ASPHD1: variants seen among roughly 807,000 people sequenced by gnomAD.
ASPHD1 encodes the protein aspartate beta-hydroxylase domain-containing protein 1.
Under a neutral mutation model 28.3 loss-of-function variants are expected in ASPHD1, and 20 were observed. The ratio of observed to expected loss-of-function variants is 0.71; its 90% confidence interval spans 0.50 to 1.03. The LOEUF (loss-of-function observed/expected upper bound fraction) is 1.03. ASPHD1 is among the 50% of genes least tolerant of loss of function. ASPHD1 has a pLI of 0.00. For missense variants in ASPHD1, 479 were observed against 524.1 expected (o/e 0.91, Z 0.84); for synonymous variants, 240 against 221.2 (o/e 1.08, Z -0.75).
In ASPHD1 at chr16:29,900,911, GGAA is replaced by G. The variant is rs2068532255; in HGVS notation, c.-55_-53del. 8 of 1,457,062 alleles carry G rather than the reference GGAA, an allele frequency of 5.5e-6. No homozygotes were observed. The highest frequency in any genetic ancestry group is 7.5e-6 in the Non-Finnish European group (8 of 1,066,622). The allele number at this position is 1,457,062 out of a possible 1,614,324, so 90.3% of individuals were successfully genotyped here. A position where few individuals can be genotyped will look rare whatever the true frequency, so the allele number is the denominator to read the frequency against. ...GTGAGGAGGCGACAGAGGGAGAGGA[GGAA>G]GAAGAGGTAGAAGGAGAGAGAAAGG... On this transcript the variant is annotated 5_prime_UTR_variant, in exon 1 of 3. Transcript: ENST00000308748.
At chr16:29,905,754 A>G (rs2150830377) in intron 2 of ASPHD1, 34 bp from the exon 3 acceptor site, 1 of 1,515,148 alleles carries the variant, frequency 6.6e-7, no homozygotes, top group East Asian at 2.3e-5. Flanking sequence ...ACCTAATGTC[A>G]GTGGCTCTGC....
At chr16:29,906,502 C>T (rs1261691208), downstream of ASPHD1, 1 of 473,370 alleles carries the variant, frequency 2.1e-6, no homozygotes. Context: ...CCCTGCAGGA[C>T]GCGGGAGGCT....
downstream of ASPHD1, chr16:29,906,811 G>A: frequency 6.9e-7 from 1 of 1,454,148 alleles, no homozygotes; most frequent in Non-Finnish European, 9.6e-7. Context: ...TCTGGGAAGG[G>A]GAGGGAAAGA....
intron 1 of ASPHD1, among the ~76,000 whole-genome samples, chr16:29,902,890 T>C (rs1048703771): frequency 9.6e-5 from 13 of 134,776 alleles, no homozygotes; most frequent in African/African-American, 2.5e-4. Flanking sequence ...TTTCTTTTTC[T>C]TTTTTTTTTT....
In ASPHD1 at chr16:29,905,789, C is replaced by T; in HGVS notation, c.1065C>T (p.Gly355=). 1 of 1,613,416 alleles carries T rather than the reference C, an allele frequency of 6.2e-7. No individual in the cohort carries two copies. The highest frequency in any genetic ancestry group is 8.5e-7 in the Non-Finnish European group (1 of 1,179,438). Residue 355 remains glycine (G), a splice_region_variant and synonymous_variant, in exon 3 of 3, where the codon GGC becomes GGT. Transcript: ENST00000308748. ...DSFLHTVAHN[G]SPEDGPRVVF... Reference sequence around the variant, plus strand: ...CTGTTCCTGTCCCATGTGCCCTAGGCTCCCCCGAAGATGGGCCTCGAGTGG... The same window carrying T: ...CTGTTCCTGTCCCATGTGCCCTAGGTTCCCCCGAAGATGGGCCTCGAGTGG...
downstream of ASPHD1, among the ~76,000 whole-genome samples, chr16:29,907,979 TA>T (rs1171441273): frequency 0.011 from 1,567 of 137,250 alleles, 19 homozygotes; most frequent in African/African-American, 0.028. Context: ...CCTCATCTAT[TA>T]AAAAAAAAAA....
chr16:29,904,987 A>AG (rs2068588590), intron 2 of ASPHD1, 22 bp downstream of exon 2: 3 of 1,553,290 alleles, frequency 1.9e-6, no homozygotes, highest in African/African-American at 2.7e-5. Flanking sequence ...CCCATTCTGC[A>AG]GGGGGGATGA....
At chr16:29,919,365 T>C (rs1048894153) in intron 3 of ASPHD1, 4 of 152,250 alleles carry the variant, frequency 2.6e-5, no homozygotes, top group African/African-American at 4.8e-5. Flanking sequence ...GTAATGCTTA[T>C]GGTATTATTA....
chr16:29,904,420 T>TG (rs2068581324), intron 1 of ASPHD1, among the ~76,000 whole-genome samples: 1 of 150,558 alleles, frequency 6.6e-6, no homozygotes. Context: ...CACTCCAACC[T>TG]GGCGACAGAG....
intron 1 of ASPHD1, among the ~76,000 whole-genome samples, chr16:29,904,612 CAAAAAAAA>C (rs1243404965): frequency 3.0e-5 from 2 of 66,516 alleles, no homozygotes; most frequent in Non-Finnish European, 7.2e-5. Flanking sequence ...GACTTTGTCT[CAAAAAAAA>C]AAAAAAAAAA....
intron 1 of ASPHD1, among the ~76,000 whole-genome samples, chr16:29,902,193 GC>G (rs983121262): frequency 6.6e-6 from 1 of 152,160 alleles, no homozygotes; most frequent in African/African-American, 2.4e-5. Context: ...AATATTTATA[GC>G]ACTATCAGTA....
downstream of ASPHD1, among the ~76,000 whole-genome samples, chr16:29,908,168 GCAGC>G (rs1420158873): frequency 6.6e-6 from 1 of 152,068 alleles, no homozygotes; most frequent in Non-Finnish European, 1.5e-5. Context: ...AGCAGAAAGA[GCAGC>G]CTGGGGAGGG....
Position 29,913,986 on chromosome 16 carries a change from C to G in ASPHD1, c.*63-5545C>G, listed in dbSNP as rs149273699. The G allele has an allele frequency of 1.4e-3, 211 of 152,292 alleles. 1 individual carries two copies. The highest frequency in any genetic ancestry group is 2.5e-3 in the Non-Finnish European group (173 of 68,078). The allele number at this position is 152,292 out of a possible 1,614,324, so 9.4% of individuals were successfully genotyped here. On this transcript the variant is annotated intron_variant and NMD_transcript_variant, in intron 3 of 3. Coordinates refer to the ASPHD1 transcript ENST00000414952. ...CTGGGATTACCGAGGTGTGCCATCA[C>G]GCCCAGCTAATTTTTGTATTTTTAG... is the stretch of plus-strand genomic sequence containing the variant.
chr16:29,911,954 C>T, intron 3 of ASPHD1: 1 of 1,610,708 alleles, frequency 6.2e-7, no homozygotes, highest in Non-Finnish European at 8.5e-7. Context: ...GGCTTGGGGG[C>T]CTCACCTTGG....
At chr16:29,911,800 C>T (rs1344057489) in intron 3 of ASPHD1, 1 of 1,612,230 alleles carries the variant, frequency 6.2e-7, no homozygotes, top group South Asian at 1.1e-5. Context: ...CAGTGCCCCG[C>T]ACCCCGGCGG....
Position 29,905,813 on chromosome 16 carries a change from G to A in ASPHD1, c.1089G>A (p.Val363=). Residue 363 remains valine (V), a synonymous_variant, in exon 3 of 3, where the codon GTG becomes GTA. Transcript: ENST00000308748. ...HNGSPEDGPR[V]VFIVDLWHPN... ...GCTCCCCCGAAGATGGGCCTCGAGT[G>A]GTCTTCATCGTGGACCTCTGGCACC... 1 of 1,613,848 alleles carries A rather than the reference G, an allele frequency of 6.2e-7. No homozygotes were observed. Among genetic ancestry groups the A allele is most frequent in the Non-Finnish European group, 8.5e-7 (1 of 1,179,904 alleles).
rs768055619 is a variant in ASPHD1 at position 29,901,308 on chromosome 16, G to A, written c.337G>A (p.Gly113Arg). ...MQALGAGSRAGGVRGGPVGCS... is the reference protein window; with the variant it reads ...MQALGAGSRARGVRGGPVGCS... ...GGCCCTAGGGGCTGGGAGCCGAGCTGGGGGTGTTCGTGGTGGGCCTGTGGG... is the reference window on the plus strand; with the variant it reads ...GGCCCTAGGGGCTGGGAGCCGAGCTAGGGGTGTTCGTGGTGGGCCTGTGGG... The change falls in exon 1 of 3, where the codon GGG becomes AGG. Residue 113 changes from glycine (G) to arginine (R), a missense_variant. Physicochemically the swap from Gly to Arg is moderately radical, Grantham distance 125. Transcript: ENST00000308748. This position sits in a 1 kb window ranked among gnomAD's most constrained non-coding sequence, Gnocchi z 5.1. 5.2e-5 allele frequency: 83 copies of A among 1,611,146 alleles called. No individual in the cohort carries two copies. The highest frequency in any genetic ancestry group is 7.0e-5 in the Non-Finnish European group (83 of 1,179,298).
intron 1 of ASPHD1, among the ~76,000 whole-genome samples, 168 bp from the exon 2 acceptor site, chr16:29,904,684 T>C (rs1485465255): frequency 6.7e-6 from 1 of 149,136 alleles, no homozygotes; most frequent in Non-Finnish European, 1.5e-5. Context: ...AGCACTTCCC[T>C]CCTCCAGGAC....
intron 3 of ASPHD1, chr16:29,914,615 T>C (rs986427783): frequency 1.3e-5 from 2 of 152,108 alleles, no homozygotes; most frequent in Non-Finnish European, 2.9e-5. Flanking sequence ...TTTTCTTTAG[T>C]AGAGACGGGA....
Sources: allele counts gnomAD v4.1 joint callset (sites outside exome capture counted in the v4.1 genomes callset), GRCh38; gene constraint gnomAD v4.1.1; non-coding constraint Gnocchi (gnomAD v3.1); transcripts MANE v1.5; gene names NCBI Gene and HGNC (gene_info 2026-07-23, HGNC 2026-07-21).